DLG5: variants seen among roughly 807,000 people sequenced by gnomAD.
The protein encoded by DLG5 is disks large homolog 5.
In DLG5, 48 loss-of-function variants were observed where a neutral mutation model predicts 189.8. That is an observed-to-expected ratio of 0.25 (90% CI 0.20 to 0.32). The LOEUF is 0.32. Among genes scored for constraint, DLG5 ranks in the 10% least tolerant of loss-of-function variants. The probability of loss-of-function intolerance (pLI) is 1.00; values close to 1 mark genes in which losing one functional copy is unlikely to be tolerated. For synonymous variants in DLG5, 1,016 were observed against 1,054.1 expected (o/e 0.96, Z 0.70); for missense variants, 2,160 against 2,544.7 (o/e 0.85, Z 3.25).
At chr10:77,909,598 T>G (rs1846159549) in intron 1 of DLG5, among the ~76,000 whole-genome samples, 1 of 152,132 alleles carries the variant, frequency 6.6e-6, no homozygotes, top group Non-Finnish European at 1.5e-5. Context: ...CACCGTTTTG[T>G]TCTCTCTCCC....
chr10:77,856,019 A>C (rs1844212333), intron 3 of DLG5, among the ~76,000 whole-genome samples: 1 of 152,098 alleles, frequency 6.6e-6, no homozygotes, highest in Non-Finnish European at 1.5e-5. Context: ...CAAAGCAACA[A>C]AGACACCAGG....
chr10:77,849,393 C>T (rs1465290265), intron 5 of DLG5, among the ~76,000 whole-genome samples: 1 of 152,252 alleles, frequency 6.6e-6, no homozygotes, highest in Non-Finnish European at 1.5e-5. Context: ...TGCTGGCCTA[C>T]TGCCACCTGA....
chr10:77,846,474 A>G (rs1181954416), intron 5 of DLG5, among the ~76,000 whole-genome samples: 3 of 152,126 alleles, frequency 2.0e-5, no homozygotes, highest in African/African-American at 4.8e-5. Flanking sequence ...CGAGGTGAGC[A>G]GATCACAAGA....
intron 1 of DLG5, among the ~76,000 whole-genome samples, chr10:77,905,171 A>G (rs187332724): frequency 6.6e-6 from 1 of 152,094 alleles, no homozygotes; most frequent in African/African-American, 2.4e-5. Context: ...GTCATTTTTA[A>G]AAATATTTTC....
intron 2 of DLG5, among the ~76,000 whole-genome samples, chr10:77,859,441 A>G (rs1187643551): frequency 1.3e-5 from 2 of 152,160 alleles, no homozygotes; most frequent in Non-Finnish European, 2.9e-5. Flanking sequence ...AGCTCCATTC[A>G]TGTAAGTGCC....
rs1384697036 is a variant in DLG5, at chr10:77,822,075, A to G, written c.2409T>C (p.Ser803=). The G allele has an allele frequency of 1.2e-6, 2 of 1,613,504 alleles. No individual in the cohort carries two copies. Among genetic ancestry groups the G allele is most frequent in the South Asian group, 1.1e-5 (1 of 91,026 alleles). ...LKVFPQSSSW[S]GQNIFENIKD... ...TGATATTTTCAAAAATGTTCTGGCC[A>G]CTCCACGAGGAGCTCTGAGGGAATA... Residue 803 remains serine, a synonymous_variant, in exon 15 of 32, where the codon AGT becomes AGC. Transcript: ENST00000372391.
intron 1 of DLG5, among the ~76,000 whole-genome samples, chr10:77,921,537 AC>A (rs1846534228): frequency 6.6e-6 from 1 of 152,128 alleles, no homozygotes; most frequent in African/African-American, 2.4e-5. Flanking sequence ...CCTCCAGATT[AC>A]CTCTGCATCC....
intron 1 of DLG5, among the ~76,000 whole-genome samples, chr10:77,880,138 G>A (rs1036913940): frequency 1.3e-5 from 2 of 152,104 alleles, no homozygotes; most frequent in Admixed American, 1.3e-4. Flanking sequence ...AGTGAGATGG[G>A]AGAGTCGACC....
rs1483691369 is a variant in DLG5 at position 77,821,980 on chromosome 10, A to G, written c.2504T>C (p.Leu835Ser). Residue 835 changes from leucine to serine, a missense_variant, in exon 15 of 32, where the codon TTG becomes TCG. By Grantham distance (145) the Leu-to-Ser change is moderately radical. Around this residue, in one of 5 missense-constraint regions of DLG5, gnomAD observed 754 missense variants for 746.5 expected, o/e 1.01. Coordinates refer to ENST00000372391, the MANE Select transcript of DLG5 (RefSeq NM_004747.4). Reference protein sequence around the residue: ...PEVQAHNKRNLIQHNNSTQTD... With the variant: ...PEVQAHNKRNSIQHNNSTQTD... ...CTGCGTGGAGTTATTGTGCTGTATC[A>G]AGTTCCGTTTGTTATGAGCCTGGAC... The G allele has an allele frequency of 6.2e-7, 1 of 1,614,244 alleles. No individual in the cohort carries two copies. The highest frequency in any genetic ancestry group is 2.2e-5 in the East Asian group (1 of 44,878).
rs189474322 is a variant in DLG5 at position 77,894,017 on chromosome 10, C to T, written c.305-24820G>A. 2.0e-4 allele frequency among the ~76,000 whole-genome samples: 31 copies of T among 152,336 alleles called. No homozygotes were observed. In the East Asian group the frequency reaches 5.8e-3, roughly 28 times the overall value. ...ACCTCCGTTCCCAAACTCCAAGCCACCAATGGAAGGCCTCACATAGGAAGC... is the reference window on the plus strand; with the variant it reads ...ACCTCCGTTCCCAAACTCCAAGCCATCAATGGAAGGCCTCACATAGGAAGC... On this transcript the variant is annotated intron_variant, in intron 1 of 31. Coordinates refer to ENST00000372391, the MANE Select transcript of DLG5 (RefSeq NM_004747.4).
In DLG5 at chr10:77,794,855, T is replaced by C; in HGVS notation, c.5540A>G (p.His1847Arg). The C allele has an allele frequency of 1.2e-6, 2 of 1,613,968 alleles. No individual in the cohort carries two copies. The highest frequency in any genetic ancestry group is 2.7e-5 in the African/African-American group (2 of 75,062). Reference sequence around the variant, plus strand: ...CAGGGGGCCAGTTACCTACTTGATGTGCTTGGCGCTCTTGTAGTGGATGAA... The same window carrying C: ...CAGGGGGCCAGTTACCTACTTGATGCGCTTGGCGCTCTTGTAGTGGATGAA... The part of the protein sequence containing the change: ...VIFIHYKSAK[H>R]IKEQRDPIYL... The change falls in exon 30 of 32, where the codon CAC becomes CGC. Residue 1847 changes from histidine to arginine, a missense_variant. His to Arg is a conservative substitution (Grantham distance 29, BLOSUM62 0). Coordinates refer to ENST00000372391, the MANE Select transcript of DLG5 (RefSeq NM_004747.4).
intron 2 of DLG5, among the ~76,000 whole-genome samples, chr10:77,861,834 C>G (rs990053759): frequency 1.3e-5 from 2 of 152,214 alleles, no homozygotes; most frequent in South Asian, 4.1e-4. Flanking sequence ...CGTTCCACTT[C>G]TCTTGGCCCA....
intron 31 of DLG5, chr10:77,793,456 GC>G (rs1840741075): frequency 6.5e-6 from 1 of 152,774 alleles, no homozygotes; most frequent in Admixed American, 6.5e-5. Context: ...GAGGCTGAAG[GC>G]CAGAAGGTAA....
chr10:77,819,860 G>A lies in DLG5; in HGVS notation c.3526+35C>T, dbSNP rs200610950. The A allele has an allele frequency of 5.3e-5, 80 of 1,519,130 alleles. 2 individuals are homozygous for A. In the South Asian group the frequency reaches 8.4e-4, roughly 16 times the overall value. The allele number at this position is 1,519,130 out of a possible 1,614,324, so 94.1% of individuals were successfully genotyped here. On this transcript the variant is annotated intron_variant, in intron 16 of 31. Coordinates refer to ENST00000372391, the MANE Select transcript of DLG5 (RefSeq NM_004747.4). ...AGACTAGGCATCCCGAGTTTACACC[G>A]ACCCTCAGCCCCAGCCCCTGGCTGG...
At chr10:77,865,907 C>T (rs763924835) in intron 2 of DLG5, among the ~76,000 whole-genome samples, 6 of 152,340 alleles carry the variant, frequency 3.9e-5, no homozygotes, top group South Asian at 4.1e-4. Context: ...GCTGTCTACA[C>T]GCCCCAGGCT....
upstream of DLG5, chr10:77,927,907 A>T (rs550107930): frequency 6.6e-6 from 1 of 152,324 alleles, no homozygotes; most frequent in Admixed American, 6.5e-5. Context: ...ACCCAGGTCC[A>T]TTTCAAATAT....
At chr10:77,829,772 C>G (rs1031077352) in intron 11 of DLG5, among the ~76,000 whole-genome samples, 1 of 152,258 alleles carries the variant, frequency 6.6e-6, no homozygotes, top group Admixed American at 6.5e-5. Context: ...CAGGCCTCAG[C>G]GTCTTCATAT....
At position 77,829,607 on chromosome 10, in the gene DLG5, G is replaced by A. The variant is rs974177238; in HGVS notation, c.2010-77C>T. Reference sequence around the variant, plus strand: ...GCTACCGCCCACAACTCTCACTCAGGGGGCTGACTGCCAAGGAGTGGGTGC... The same window carrying A: ...GCTACCGCCCACAACTCTCACTCAGAGGGCTGACTGCCAAGGAGTGGGTGC... On this transcript the variant is annotated intron_variant, in intron 11 of 31. Transcript: ENST00000372391. 9 of 1,495,478 alleles carry A rather than the reference G, an allele frequency of 6.0e-6. No individual in the cohort carries two copies. In the African/African-American group the frequency reaches 1.3e-4, roughly 21 times the overall value. The allele number at this position is 1,495,478 out of a possible 1,614,324, so 92.6% of individuals were successfully genotyped here.
intron 13 of DLG5, among the ~76,000 whole-genome samples, chr10:77,828,422 G>A (rs1046632057): frequency 1.4e-5 from 2 of 143,916 alleles, no homozygotes; most frequent in East Asian, 4.1e-4. Context: ...GAAAGTCAGA[G>A]GTTGCAGTGA....
Sources: allele counts gnomAD v4.1 joint callset (sites outside exome capture counted in the v4.1 genomes callset), GRCh38; gene constraint gnomAD v4.1.1; regional missense constraint gnomAD v4.1.1; transcripts MANE v1.5; gene names NCBI Gene and HGNC (gene_info 2026-07-23, HGNC 2026-07-21).